The following GPAM variants were observed in gnomAD, a reference collection of about 807,000 sequenced individuals.
The protein encoded by GPAM is glycerol-3-phosphate acyltransferase 1, mitochondrial.
A neutral mutation model predicts 105.0 loss-of-function variants in GPAM; 56 were observed. The observed-to-expected ratio is 0.53, with a 90% CI of 0.43 to 0.67. GPAM has a LOEUF of 0.67. Ranked by LOEUF, GPAM falls within the 30% of genes least tolerant of loss-of-function variation. The probability of loss-of-function intolerance (pLI) is 0.00; values close to 1 mark genes in which losing one functional copy is unlikely to be tolerated. For missense variants in GPAM, 855 were observed against 989.8 expected (o/e 0.86, Z 1.83); for synonymous variants, 368 against 354.4 (o/e 1.04, Z -0.43).
chr10:112,157,152 T>C (rs1847031858), intron 19 of GPAM, 97 bp downstream of exon 19: 1 of 1,071,630 alleles, frequency 9.3e-7, no homozygotes, highest in South Asian at 1.3e-5. Flanking sequence ...GGGGATTCTT[T>C]AGATAAGAAG....
Position 112,153,500 on chromosome 10 carries a change from A to G in GPAM, c.*50T>C. On this transcript the variant is annotated 3_prime_UTR_variant, in exon 22 of 22. Transcript: ENST00000348367. ...ACTCTTGAGCCAGAAGCTGGTACCTACAAGGAACTCATCTCATGACCTTCA... is the reference window on the plus strand; with the variant it reads ...ACTCTTGAGCCAGAAGCTGGTACCTGCAAGGAACTCATCTCATGACCTTCA... 7 of 1,612,364 alleles carry G rather than the reference A, an allele frequency of 4.3e-6. No homozygotes were observed. The highest frequency in any genetic ancestry group is 5.9e-6 in the Non-Finnish European group (7 of 1,179,056).
chr10:112,189,431 A>G (rs1267882740), intron 1 of GPAM, among the ~76,000 whole-genome samples: 2 of 152,212 alleles, frequency 1.3e-5, no homozygotes, highest in African/African-American at 4.8e-5. Flanking sequence ...TTCAAAAATC[A>G]GCATCAAGTT....
rs376371340 is a variant in GPAM at position 112,164,437 on chromosome 10, G to A, written c.1307+88C>T. On this transcript the variant is annotated intron_variant, in intron 13 of 21. Transcript: ENST00000348367. Reference sequence around the variant, plus strand: ...TTAAGAAGTGAAAATAAGAATGTGCGCATTTTTAATAAGGTTAATCTATGC... The same window carrying A: ...TTAAGAAGTGAAAATAAGAATGTGCACATTTTTAATAAGGTTAATCTATGC... 50 of 766,144 alleles carry A rather than the reference G, an allele frequency of 6.5e-5. No homozygotes were observed. In the Middle Eastern group the frequency reaches 6.8e-4, roughly 10 times the overall value. The allele number at this position is 766,144 out of a possible 1,614,324, so 47.5% of individuals were successfully genotyped here.
intron 5 of GPAM, among the ~76,000 whole-genome samples, chr10:112,177,634 T>A (rs1357741223): frequency 6.6e-6 from 1 of 152,236 alleles, no homozygotes; most frequent in African/African-American, 2.4e-5. Flanking sequence ...ATACTTTTTT[T>A]AAGTATTAAA....
At position 112,172,952 on chromosome 10, in the gene GPAM, A is replaced by T; in HGVS notation, c.657+18T>A. 1.5e-6 allele frequency: 2 copies of T among 1,324,840 alleles called. No homozygotes were observed. The highest frequency in any genetic ancestry group is 2.2e-6 in the Non-Finnish European group (2 of 915,576). 82.1% of individuals were successfully genotyped at this position (1,324,840 alleles called of 1,614,324 possible). On this transcript the variant is annotated intron_variant, in intron 8 of 21. Transcript: ENST00000348367. ...AATTGAGGGGAAAATGGGGTAATAG[A>T]TTCACAGAAATTCTTGCCTCAGTTG...
upstream of GPAM, among the ~76,000 whole-genome samples, chr10:112,187,267 G>A (rs986428054): frequency 6.6e-6 from 1 of 152,062 alleles, no homozygotes; most frequent in Non-Finnish European, 1.5e-5. Context: ...TAATTAAAAG[G>A]CAGATATTGT....
chr10:112,160,955 G>T, intron 15 of GPAM, 87 bp from the exon 16 acceptor site: 1 of 1,204,738 alleles, frequency 8.3e-7, no homozygotes, highest in Non-Finnish European at 1.2e-6. Flanking sequence ...CTTTCTTCTT[G>T]CCTTGGCTTT....
Position 112,154,616 on chromosome 10 carries a change from G to A in GPAM, c.2370+13C>T. 1 of 1,555,708 alleles carries A rather than the reference G, an allele frequency of 6.4e-7. No individual in the cohort carries two copies. Among genetic ancestry groups the A allele is most frequent in the Non-Finnish European group, 8.9e-7 (1 of 1,126,744 alleles). ...TTGAGATAGCTTTTATACCATAAAT[G>A]GTGGACACCTACCCCAATATCCTTA... On this transcript the variant is annotated intron_variant, in intron 21 of 21. Coordinates refer to ENST00000348367, the MANE Select transcript of GPAM (RefSeq NM_001244949.2).
chr10:112,151,161 C>G lies in GPAM; in HGVS notation c.*2389G>C. 1 of 983,266 alleles carries G rather than the reference C, an allele frequency of 1.0e-6. No individual in the cohort carries two copies. The highest frequency in any genetic ancestry group is 1.2e-6 in the Non-Finnish European group (1 of 827,764). 60.9% of individuals were successfully genotyped at this position (983,266 alleles called of 1,614,324 possible). A position where few individuals can be genotyped will look rare whatever the true frequency, so the allele number is the denominator to read the frequency against. On this transcript the variant is annotated 3_prime_UTR_variant, in exon 22 of 22. Transcript: ENST00000348367. ...CAGTCTTCCCCTGAAGAAGGGCATG[C>G]ATTTCATGTTACAGAAATGCGATAG...
chr10:112,187,844 A>C (rs1190231005), upstream of GPAM, among the ~76,000 whole-genome samples: 1 of 152,214 alleles, frequency 6.6e-6, no homozygotes, highest in African/African-American at 2.4e-5. Flanking sequence ...GATCCAAATC[A>C]TAAAACATAT....
intron 18 of GPAM, among the ~76,000 whole-genome samples, chr10:112,157,760 G>A (rs6585138): frequency 0.55 from 83,982 of 152,082 alleles, 23,440 homozygotes; most frequent in South Asian, 0.62. Flanking sequence ...TAGGTGTAAC[G>A]TCTCAACTTA....
chr10:112,211,520 G>A (rs1400096153), intron 1 of GPAM, among the ~76,000 whole-genome samples: 4 of 152,130 alleles, frequency 2.6e-5, no homozygotes, highest in East Asian at 1.9e-4. Flanking sequence ...TCATCAGTGG[G>A]TCTCCCACCC....
At chr10:112,178,232 C>A (rs1176659085) in intron 4 of GPAM, among the ~76,000 whole-genome samples, 175 bp from the exon 5 acceptor site, 1 of 152,084 alleles carries the variant, frequency 6.6e-6, no homozygotes, top group Non-Finnish European at 1.5e-5. Flanking sequence ...CAAAGAATGT[C>A]ATAAACTCAA....
rs754679821 is a variant in GPAM at position 112,175,708 on chromosome 10, C to T, written c.305G>A (p.Arg102His). 80 of 1,602,372 alleles carry T rather than the reference C, an allele frequency of 5.0e-5. No individual in the cohort carries two copies. The highest frequency in any genetic ancestry group is 6.7e-5 in the Admixed American group (4 of 59,976). Residue 102 changes from arginine (R) to histidine (H), a missense_variant, in exon 6 of 22, where the codon CGC (arginine) becomes CAC (histidine). Transcript: ENST00000348367. Reference protein sequence around the residue: ...IYINETHTRHRGWLARRLSYV... With the variant: ...IYINETHTRHHGWLARRLSYV... Reference sequence around the variant, plus strand: ...AGAAAGGCGTCTTGCAAGCCATCCGCGGTGTCTGTGAAAATGATTTAGCAG... The same window carrying T: ...AGAAAGGCGTCTTGCAAGCCATCCGTGGTGTCTGTGAAAATGATTTAGCAG...
In GPAM at chr10:112,163,708, A is replaced by G; in HGVS notation, c.1416T>C (p.Ile472=). 6.9e-7 allele frequency: 1 copy of G among 1,443,116 alleles called. No homozygotes were observed. Among genetic ancestry groups the G allele is most frequent in the Non-Finnish European group, 9.8e-7 (1 of 1,023,732 alleles). 89.4% of individuals were successfully genotyped at this position (1,443,116 alleles called of 1,614,324 possible). A position where few individuals can be genotyped will look rare whatever the true frequency, so the allele number is the denominator to read the frequency against. ...RRLIANLAEH[I]LFTASKSCAI... ...GTCTGGTATTCTACTTACTGAATAG[A>G]ATATGCTCAGCCAGATTTGCAATCA... The change falls in exon 14 of 22, where the codon ATT becomes ATC. Residue 472 remains isoleucine (I), a synonymous_variant. Coordinates refer to ENST00000348367, the MANE Select transcript of GPAM (RefSeq NM_001244949.2).
At chr10:112,173,600 G>C in intron 7 of GPAM, 99 bp downstream of exon 7, 7 of 1,128,920 alleles carry the variant, frequency 6.2e-6, no homozygotes, top group Non-Finnish European at 9.4e-6. Context: ...AACATCTTTT[G>C]GACAAAGAGA....
chr10:112,171,326 A>G (rs2133251536), intron 9 of GPAM, among the ~76,000 whole-genome samples: 1 of 152,254 alleles, frequency 6.6e-6, no homozygotes, highest in African/African-American at 2.4e-5. Context: ...AGTACTTTTT[A>G]AATCTATGCC....
At chr10:112,185,677 G>C (rs1256167768), upstream of GPAM, among the ~76,000 whole-genome samples, 2 of 151,854 alleles carry the variant, frequency 1.3e-5, no homozygotes, top group Non-Finnish European at 2.9e-5. Context: ...GGAGGCTGAG[G>C]CAGGAGAATG....
At chr10:112,180,071 G>C (rs1847479840) in intron 4 of GPAM, among the ~76,000 whole-genome samples, 1 of 152,196 alleles carries the variant, frequency 6.6e-6, no homozygotes, top group African/African-American at 2.4e-5. Context: ...CAAAGGCTCA[G>C]AGCAAAGTCA....
Sources: allele counts gnomAD v4.1 joint callset (sites outside exome capture counted in the v4.1 genomes callset), GRCh38; gene constraint gnomAD v4.1.1; transcripts MANE v1.5; gene names NCBI Gene and HGNC (gene_info 2026-07-23, HGNC 2026-07-21).